The following PCDHGA6 variants were observed in gnomAD, a reference collection of about 807,000 sequenced individuals.
PCDHGA6 encodes the protein protocadherin gamma-A6.
In PCDHGA6, 41 loss-of-function variants were observed where a neutral mutation model predicts 60.6. The observed-to-expected ratio is 0.68, with a 90% CI of 0.53 to 0.88. PCDHGA6 has a LOEUF of 0.88. Ranked by LOEUF, PCDHGA6 falls within the 40% of genes least tolerant of loss-of-function variation. PCDHGA6 has a pLI of 0.00. For missense variants in PCDHGA6, 1,312 were observed against 1,203.0 expected (o/e 1.09, Z -1.34); for synonymous variants, 594 against 524.4 (o/e 1.13, Z -1.81).
chr5:141,410,090 C>A (rs369832481), intron 1 of PCDHGA6: 51 of 1,612,358 alleles, frequency 3.2e-5, no homozygotes, highest in Middle Eastern at 1.7e-4. Context: ...GCGCACGGCT[C>A]GAGCCTTAGG....
intron 1 of PCDHGA6, chr5:141,390,387 T>C: frequency 1.4e-6 from 2 of 1,425,596 alleles, no homozygotes; most frequent in Non-Finnish European, 1.9e-6. Flanking sequence ...TTAGATGTCA[T>C]GGATCATTTT....
chr5:141,478,118 G>A (rs1266841885), intron 1 of PCDHGA6: 1 of 1,613,930 alleles, frequency 6.2e-7, no homozygotes, highest in East Asian at 2.2e-5. Context: ...GTCAGTAACC[G>A]AGGACTCTCC....
At chr5:141,417,993 C>A in intron 1 of PCDHGA6, 1 of 1,613,830 alleles carries the variant, frequency 6.2e-7, no homozygotes, top group Non-Finnish European at 8.5e-7. Flanking sequence ...GCCAAGGGCT[C>A]GGTGGTGGGG....
Position 141,490,924 on chromosome 5 carries a change from C to A in PCDHGA6, c.2425-3883C>A. 1 of 1,613,680 alleles carries A rather than the reference C, an allele frequency of 6.2e-7. No individual in the cohort carries two copies. Among genetic ancestry groups the A allele is most frequent in the Non-Finnish European group, 8.5e-7 (1 of 1,179,694 alleles). On this transcript the variant is annotated intron_variant, in intron 1 of 3. Coordinates refer to ENST00000517434, the MANE Select transcript of PCDHGA6 (RefSeq NM_018919.3). The surrounding 1 kb of genome is among the most constrained non-coding windows in gnomAD (Gnocchi z 5.4). ...TGTCCTAGACGAGAATGATAATGCC[C>A]CAGCTGTGCTGCACCCACGGCCAGA...
rs1354510383 is a variant in PCDHGA6, at chr5:141,432,312, G to A, written c.2424+55805G>A. The A allele has an allele frequency of 5.6e-6, 9 of 1,614,132 alleles. No homozygotes were observed. The highest frequency in any genetic ancestry group is 7.6e-6 in the Non-Finnish European group (9 of 1,180,054). On this transcript the variant is annotated intron_variant, in intron 1 of 3. Transcript: ENST00000517434. The surrounding 1 kb of genome is among the most constrained non-coding windows in gnomAD (Gnocchi z 6.0). Reference sequence around the variant, plus strand: ...GACACTGGGGTACTGTATGCGCTGAGCTCCTTCGACTACGAGCAGTTCCGA... The same window carrying A: ...GACACTGGGGTACTGTATGCGCTGAACTCCTTCGACTACGAGCAGTTCCGA...
In PCDHGA6 at chr5:141,431,841, C is replaced by T; in HGVS notation, c.2424+55334C>T. The T allele has an allele frequency of 6.2e-7, 1 of 1,614,246 alleles. No homozygotes were observed. Among genetic ancestry groups the T allele is most frequent in the Non-Finnish European group, 8.5e-7 (1 of 1,180,044 alleles). ...GCCAGCTCGGTTCCCGAAAACTCTC[C>T]CAGAGGGACATTAATTGCCCTTTTA... On this transcript the variant is annotated intron_variant, in intron 1 of 3. Coordinates refer to ENST00000517434, the MANE Select transcript of PCDHGA6 (RefSeq NM_018919.3). The surrounding 1 kb of genome is among the most constrained non-coding windows in gnomAD (Gnocchi z 4.8).
At chr5:141,462,280 C>T (rs927977920) in intron 1 of PCDHGA6, among the ~76,000 whole-genome samples, 15 of 152,146 alleles carry the variant, frequency 9.9e-5, no homozygotes, top group African/African-American at 3.4e-4. Context: ...TGTTTAGTCA[C>T]CAAATATGTA....
Position 141,432,811 on chromosome 5 carries a change from T to G in PCDHGA6, c.2424+56304T>G. Reference sequence around the variant, plus strand: ...GCAGCCTCGAGTCTCCAGCTAACTCTGAAACCTCAGACCTCACTCTGTACC... The same window carrying G: ...GCAGCCTCGAGTCTCCAGCTAACTCGGAAACCTCAGACCTCACTCTGTACC... On this transcript the variant is annotated intron_variant, in intron 1 of 3. Transcript: ENST00000517434. The surrounding 1 kb of genome is among the most constrained non-coding windows in gnomAD (Gnocchi z 6.0). 1 of 1,614,126 alleles carries G rather than the reference T, an allele frequency of 6.2e-7. No homozygotes were observed. Among genetic ancestry groups the G allele is most frequent in the Non-Finnish European group, 8.5e-7 (1 of 1,179,988 alleles).
intron 1 of PCDHGA6, among the ~76,000 whole-genome samples, chr5:141,492,438 G>C (rs2099740636): frequency 6.6e-6 from 1 of 152,236 alleles, no homozygotes; most frequent in Non-Finnish European, 1.5e-5. Flanking sequence ...AGGAGTACTC[G>C]TAGCTGATTG....
rs1194909537 is a variant in PCDHGA6 at position 141,511,022 on chromosome 5, T to C, written c.2648T>C (p.Phe883Ser). 1 of 1,614,176 alleles carries C rather than the reference T, an allele frequency of 6.2e-7. No individual in the cohort carries two copies. The highest frequency in any genetic ancestry group is 8.5e-7 in the Non-Finnish European group (1 of 1,180,020). ...MGLSARYGPQ[F>S]TLQHVPDYRQ... ...TTGAGCGCCCGCTACGGACCCCAGT[T>C]CACCCTGCAGCACGTGCCCGACTAC... The change falls in exon 4 of 4, where the codon TTC becomes TCC. Residue 883 changes from phenylalanine (F) to serine (S), a missense_variant. Transcript: ENST00000517434.
rs568542355 is a variant in PCDHGA6, at chr5:141,431,678, T to C, written c.2424+55171T>C. 4 of 1,614,084 alleles carry C rather than the reference T, an allele frequency of 2.5e-6. No individual in the cohort carries two copies. Among genetic ancestry groups the C allele is most frequent in the African/African-American group, 2.7e-5 (2 of 75,012 alleles). ...AGGGACAATATCAACAATAGGGGAG[T>C]TGGACCACGAGGAGTCAGGATTCTA... On this transcript the variant is annotated intron_variant, in intron 1 of 3. Transcript: ENST00000517434. The surrounding 1 kb of genome is among the most constrained non-coding windows in gnomAD (Gnocchi z 4.8).
chr5:141,399,336 T>C, intron 1 of PCDHGA6: 2 of 1,613,976 alleles, frequency 1.2e-6, no homozygotes, highest in Non-Finnish European at 1.7e-6. Context: ...TGGTAACAGA[T>C]GGAACCCTAG....
rs1404656316 is a variant in PCDHGA6 at position 141,486,648 on chromosome 5, A to G, written c.2425-8159A>G. 6.2e-7 allele frequency: 1 copy of G among 1,613,298 alleles called. No individual in the cohort carries two copies. The highest frequency in any genetic ancestry group is 8.5e-7 in the Non-Finnish European group (1 of 1,179,892). The stretch of plus-strand genomic sequence containing the variant: ...TCTGGCTTGAATGCGCTTATCTCCT[A>G]CTCACTCCTGGAGCCCAGGAATCGA... On this transcript the variant is annotated intron_variant, in intron 1 of 3. Coordinates refer to ENST00000517434, the MANE Select transcript of PCDHGA6 (RefSeq NM_018919.3). This position sits in a 1 kb window ranked among gnomAD's most constrained non-coding sequence, Gnocchi z 5.0.
intron 1 of PCDHGA6, among the ~76,000 whole-genome samples, chr5:141,435,500 A>G (rs896915416): frequency 6.6e-6 from 1 of 152,176 alleles, no homozygotes; most frequent in African/African-American, 2.4e-5. Context: ...TCCTACACTA[A>G]TGATACTAAT....
rs761106133 is a variant in PCDHGA6 at position 141,432,117 on chromosome 5, C to A, written c.2424+55610C>A. 1 of 1,614,180 alleles carries A rather than the reference C, an allele frequency of 6.2e-7. No individual in the cohort carries two copies. Among genetic ancestry groups the A allele is most frequent in the Admixed American group, 1.7e-5 (1 of 60,024 alleles). ...ACCAACGACAACCCGCCGGTCTTCC[C>A]TCAGGCCTCCTATTCCGCTTATATC... On this transcript the variant is annotated intron_variant, in intron 1 of 3. Transcript: ENST00000517434. The surrounding 1 kb of genome is among the most constrained non-coding windows in gnomAD (Gnocchi z 6.0).
At position 141,375,126 on chromosome 5, in the gene PCDHGA6, T is replaced by C. The variant is rs752210240; in HGVS notation, c.1043T>C (p.Val348Ala). 6.2e-6 allele frequency: 10 copies of C among 1,613,870 alleles called. No homozygotes were observed. Among genetic ancestry groups the C allele is most frequent in the African/African-American group, 2.7e-5 (2 of 75,038 alleles). The change falls in exon 1 of 4, where the codon GTT (valine) becomes GCT (alanine). Residue 348 changes from valine to alanine, a missense_variant. Physicochemically the swap from Val to Ala is moderately conservative, Grantham distance 64. Transcript: ENST00000517434. ...LDVNDNVPEV[V>A]VTSGSRTIAE... ...GTCAATGATAATGTACCAGAAGTGG[T>C]TGTTACATCTGGAAGCAGAACAATT...
At position 141,487,488 on chromosome 5, in the gene PCDHGA6, G is replaced by A; in HGVS notation, c.2425-7319G>A. ...GATGTGGGAGGCCACTCTCATGGCT[G>A]TACACCCTTGGCTTCTGCACCCACT... On this transcript the variant is annotated intron_variant, in intron 1 of 3. Transcript: ENST00000517434. This position sits in a 1 kb window ranked among gnomAD's most constrained non-coding sequence, Gnocchi z 5.0. The A allele has an allele frequency of 6.2e-7, 1 of 1,614,204 alleles. No homozygotes were observed. The highest frequency in any genetic ancestry group is 8.5e-7 in the Non-Finnish European group (1 of 1,180,038).
rs1347087103 is a variant in PCDHGA6 at position 141,409,851 on chromosome 5, T to C, written c.2424+33344T>C. 4 of 1,612,112 alleles carry C rather than the reference T, an allele frequency of 2.5e-6. No homozygotes were observed. In the Admixed American group the frequency reaches 6.7e-5, roughly 27 times the overall value. On this transcript the variant is annotated intron_variant, in intron 1 of 3. Transcript: ENST00000517434. ...CTCAGCGCCAACGTGAGCCTGCGCG[T>C]GTTGGTGGGAGACCGCAATGACAAC...
chr5:141,377,447 A>T (rs1397371836), intron 1 of PCDHGA6: 1 of 152,082 alleles, frequency 6.6e-6, no homozygotes, highest in African/African-American at 2.4e-5. Context: ...AAGAAAAAAA[A>T]GTAGCCAGAT....
Sources: gnomAD v4.1 joint callset for allele counts (sites outside exome capture counted in the v4.1 genomes callset) on GRCh38, gnomAD v4.1.1 for gene constraint, Gnocchi (gnomAD v3.1) non-coding constraint, MANE v1.5 for transcripts, NCBI Gene and HGNC (gene_info 2026-07-23, HGNC 2026-07-21) for gene names.